The following HTR7 variants were observed in gnomAD, a reference collection of about 807,000 sequenced individuals.
HTR7 encodes 5-hydroxytryptamine receptor 7.
A neutral mutation model predicts 34.0 loss-of-function variants in HTR7; 16 were observed. That is an observed-to-expected ratio of 0.47 (90% CI 0.32 to 0.71). The LOEUF is 0.71. Ranked by LOEUF, HTR7 falls within the 30% of genes least tolerant of loss-of-function variation. The pLI is 0.04. For synonymous variants in HTR7, 265 were observed against 260.2 expected (o/e 1.02, Z -0.18); for missense variants, 504 against 625.5 (o/e 0.81, Z 2.07).
At chr10:90,759,239 T>C (rs1209834672) in intron 1 of HTR7, among the ~76,000 whole-genome samples, 1 of 151,108 alleles carries the variant, frequency 6.6e-6, no homozygotes, top group Non-Finnish European at 1.5e-5. Context: ...TCTAAGATTA[T>C]AAAGCTAAGA....
chr10:90,768,926 T>C (rs1447546270), intron 1 of HTR7, among the ~76,000 whole-genome samples: 1 of 152,222 alleles, frequency 6.6e-6, no homozygotes, highest in Non-Finnish European at 1.5e-5. Context: ...AGGAAGAATG[T>C]TGTTGGCCAA....
intron 1 of HTR7, among the ~76,000 whole-genome samples, chr10:90,846,267 G>T (rs1293833732): frequency 6.6e-6 from 1 of 152,062 alleles, no homozygotes; most frequent in Admixed American, 6.5e-5. Flanking sequence ...AAATAATTTT[G>T]TGTGCCCATC....
chr10:90,803,980 T>C (rs1466897138), intron 1 of HTR7, among the ~76,000 whole-genome samples: 10 of 151,882 alleles, frequency 6.6e-5, no homozygotes, highest in Non-Finnish European at 2.9e-5. Flanking sequence ...GCCCCCAACC[T>C]ATAACCATAA....
chr10:90,800,200 G>A (rs916631009), intron 1 of HTR7, among the ~76,000 whole-genome samples: 7 of 138,458 alleles, frequency 5.1e-5, no homozygotes, highest in Non-Finnish European at 1.1e-4. Flanking sequence ...CCCATACATT[G>A]ATTTGAGAAT....
chr10:90,794,664 CTATTTTTT>C (rs1416679495), intron 1 of HTR7, among the ~76,000 whole-genome samples: 1 of 151,956 alleles, frequency 6.6e-6, no homozygotes, highest in Non-Finnish European at 1.5e-5. Flanking sequence ...CCACACCTGG[CTATTTTTT>C]TATTATTATT....
chr10:90,787,907 A>G (rs1456053233), intron 1 of HTR7, among the ~76,000 whole-genome samples: 2 of 151,956 alleles, frequency 1.3e-5, no homozygotes, highest in East Asian at 1.9e-4. Context: ...CTATTTCTGT[A>G]TAACAATAAG....
chr10:90,808,995 G>A (rs770946385), intron 1 of HTR7, among the ~76,000 whole-genome samples: 2 of 152,034 alleles, frequency 1.3e-5, no homozygotes, highest in African/African-American at 2.4e-5. Flanking sequence ...TGTTCCCAAT[G>A]CAACTCGTCC....
Position 90,779,067 on chromosome 10 carries a change from G to T in HTR7, c.540-29473C>A, listed in dbSNP as rs75268059. ...ACCACCATGAAGGGAGAGAACTGCT[G>T]CCCTGATTCTCACTGATGAAAGGCC... On this transcript the variant is annotated intron_variant, in intron 1 of 3. Transcript: ENST00000336152. Among the ~76,000 whole-genome samples, 97 of 152,282 alleles carry T rather than the reference G, an allele frequency of 6.4e-4. 1 individual carries two copies. The East Asian group carries it at 0.017, about 27-fold the overall frequency.
At chr10:90,852,855 T>C (rs978511454) in intron 1 of HTR7, among the ~76,000 whole-genome samples, 1 of 152,182 alleles carries the variant, frequency 6.6e-6, no homozygotes, top group South Asian at 2.1e-4. Context: ...CAATAGAAAC[T>C]AGAAAAGGAG....
intron 1 of HTR7, among the ~76,000 whole-genome samples, chr10:90,838,131 T>C (rs1333708230): frequency 6.6e-6 from 1 of 152,162 alleles, no homozygotes; most frequent in African/African-American, 2.4e-5. Context: ...TTACCTCTAG[T>C]CCTGACTTCT....
intron 1 of HTR7, among the ~76,000 whole-genome samples, chr10:90,811,613 G>A (rs190117759): frequency 4.6e-5 from 7 of 152,050 alleles, no homozygotes; most frequent in East Asian, 1.9e-4. Context: ...ATCTATCCTC[G>A]AGGAAATAAC....
At chr10:90,808,747 C>A (rs1845747641) in intron 1 of HTR7, among the ~76,000 whole-genome samples, 1 of 152,070 alleles carries the variant, frequency 6.6e-6, no homozygotes, top group African/African-American at 2.4e-5. Flanking sequence ...AGCCTGTGTT[C>A]TCAAAAACTT....
intron 2 of HTR7, among the ~76,000 whole-genome samples, chr10:90,748,369 T>G (rs1402051592): frequency 1.1e-4 from 16 of 152,198 alleles, no homozygotes; most frequent in Non-Finnish European, 2.4e-4. Flanking sequence ...TTTCCTGGGC[T>G]GCCTCCTTTC....
At chr10:90,789,057 A>G (rs1383957927) in intron 1 of HTR7, among the ~76,000 whole-genome samples, 1 of 152,170 alleles carries the variant, frequency 6.6e-6, no homozygotes, top group African/African-American at 2.4e-5. Context: ...ATAATGTTAT[A>G]TTGTCATCGT....
At chr10:90,773,221 C>A (rs186977609) in intron 1 of HTR7, among the ~76,000 whole-genome samples, 3 of 152,166 alleles carry the variant, frequency 2.0e-5, no homozygotes, top group East Asian at 3.8e-4. Context: ...CTTGAAGCAA[C>A]CAGCTACACT....
At chr10:90,748,751 T>C (rs1844679585) in intron 2 of HTR7, 88 bp downstream of exon 2, 10 of 1,368,622 alleles carry the variant, frequency 7.3e-6, no homozygotes, top group Non-Finnish European at 1.0e-5. Flanking sequence ...AGCTAGCTAC[T>C]CGTTCAGGAA....
chr10:90,793,732 G>A (rs984497999), intron 1 of HTR7, among the ~76,000 whole-genome samples: 3 of 152,074 alleles, frequency 2.0e-5, no homozygotes, highest in African/African-American at 7.2e-5. Context: ...TGCAAGGTGA[G>A]GAGCAAGGAA....
chr10:90,797,477 G>T (rs1366637484), intron 1 of HTR7, among the ~76,000 whole-genome samples: 1 of 152,132 alleles, frequency 6.6e-6, no homozygotes, highest in African/African-American at 2.4e-5. Context: ...ACTATTCTAA[G>T]AACAAAAAGT....
At chr10:90,821,578 C>T (rs977614914) in intron 1 of HTR7, among the ~76,000 whole-genome samples, 19 of 152,164 alleles carry the variant, frequency 1.2e-4, no homozygotes, top group African/African-American at 4.6e-4. Context: ...ACTGCAACTC[C>T]AAGGCAATTC....
Sources: allele counts gnomAD v4.1 joint callset (sites outside exome capture counted in the v4.1 genomes callset), GRCh38; gene constraint gnomAD v4.1.1; transcripts MANE v1.5; gene names NCBI Gene and HGNC (gene_info 2026-07-23, HGNC 2026-07-21).